Variants in SMG5 observed in about 807,000 individuals in gnomAD.
The protein encoded by SMG5 is nonsense-mediated mRNA decay factor SMG5.
Under a neutral mutation model 122.9 loss-of-function variants are expected in SMG5, and 53 were observed. That is an observed-to-expected ratio of 0.43 (90% CI 0.35 to 0.54). The LOEUF is 0.54. SMG5 is among the 20% of genes least tolerant of loss of function. The pLI, the probability that SMG5 is intolerant of heterozygous loss-of-function variation, is 0.01. For missense variants in SMG5, 1,153 were observed against 1,285.6 expected (o/e 0.90, Z 1.58); for synonymous variants, 477 against 490.2 (o/e 0.97, Z 0.35).
At chr1:156,261,267 G>C in intron 14 of SMG5, 66 bp downstream of exon 14, 1 of 1,479,132 alleles carries the variant, frequency 6.8e-7, no homozygotes, top group Non-Finnish European at 9.5e-7. Flanking sequence ...TATGGGGAGG[G>C]GAGATGGGCT....
At position 156,250,839 on chromosome 1, in the gene SMG5, C is replaced by A; in HGVS notation, c.2967+19G>T. ...TCGTCCCTATTCCACACCATCCCCC[C>A]ACCTCACCCATGACCCACCTGCATG... On this transcript the variant is annotated intron_variant, in intron 21 of 21. Transcript: ENST00000361813. The A allele has an allele frequency of 2.5e-6, 4 of 1,613,036 alleles. No homozygotes were observed. The highest frequency in any genetic ancestry group is 3.4e-6 in the Non-Finnish European group (4 of 1,179,290).
chr1:156,251,384 G>A lies in SMG5; in HGVS notation c.2828+19C>T, dbSNP rs928141265. ...AGGCAGGTGGCCTGAGGTTCTAGGGGTGAGGGCTAAAATGTTACCAGGCAT... is the reference window on the plus strand; with the variant it reads ...AGGCAGGTGGCCTGAGGTTCTAGGGATGAGGGCTAAAATGTTACCAGGCAT... On this transcript the variant is annotated intron_variant, in intron 20 of 21. Coordinates refer to ENST00000361813, the MANE Select transcript of SMG5 (RefSeq NM_015327.3). 2 of 1,613,838 alleles carry A rather than the reference G, an allele frequency of 1.2e-6. No homozygotes were observed. The highest frequency in any genetic ancestry group is 1.3e-5 in the African/African-American group (1 of 74,938).
rs780337753 is a variant in SMG5, at chr1:156,268,382, A to G, written c.747T>C (p.Tyr249=). 4 of 1,614,156 alleles carry G rather than the reference A, an allele frequency of 2.5e-6. No individual in the cohort carries two copies. The Admixed American group carries it at 5.0e-5, about 20-fold the overall frequency. The part of the protein sequence containing the change: ...IQSEVSFEGA[Y]GNLKRLYDKA... ...TGTCATACAGCCGCTTGAGGTTCCC[A>G]TAGGCTCCCTCAAAGGACACTTCTG... The change falls in exon 8 of 22, where the codon TAT becomes TAC. Residue 249 remains tyrosine (Y), a synonymous_variant. Transcript: ENST00000361813.
At chr1:156,276,614 C>A (rs1662696758) in intron 4 of SMG5, among the ~76,000 whole-genome samples, 2 of 152,158 alleles carry the variant, frequency 1.3e-5, no homozygotes, top group African/African-American at 4.8e-5. Context: ...AGAAAACTTA[C>A]CAACTAGAAA....
chr1:156,273,911 A>C (rs1662563485), intron 5 of SMG5, among the ~76,000 whole-genome samples: 1 of 151,612 alleles, frequency 6.6e-6, no homozygotes, highest in South Asian at 2.1e-4. Flanking sequence ...AGCACACATA[A>C]ATGCTTGCAA....
intron 4 of SMG5, 61 bp from the exon 5 acceptor site, chr1:156,274,747 G>T: frequency 7.4e-7 from 1 of 1,347,908 alleles, no homozygotes; most frequent in Non-Finnish European, 1.1e-6. Flanking sequence ...CACCTATGAA[G>T]AAATACCCCT....
intron 13 of SMG5, among the ~76,000 whole-genome samples, chr1:156,262,157 C>T (rs562788088): frequency 6.6e-6 from 1 of 152,214 alleles, no homozygotes; most frequent in South Asian, 2.1e-4. Context: ...GTCAAGAGTT[C>T]CAGACCAGCC....
chr1:156,251,113 G>GGGCCCTGGAAGCT, intron 20 of SMG5, 117 bp from the exon 21 acceptor site: 2 of 1,391,504 alleles, frequency 1.4e-6, no homozygotes, highest in Admixed American at 2.0e-5. Flanking sequence ...GAGCAGCAGT[G>GGGCCCTGGAAGCT]GGCCCTGGAA....
chr1:156,261,542 A>C (rs528779154), intron 13 of SMG5, 134 bp from the exon 14 acceptor site: 8 of 713,532 alleles, frequency 1.1e-5, no homozygotes, highest in Middle Eastern at 2.6e-4. Flanking sequence ...TAAAATTAAC[A>C]AAAGAAGCCT....
At chr1:156,257,418 G>A (rs1410946355) in intron 16 of SMG5, among the ~76,000 whole-genome samples, 1 of 152,048 alleles carries the variant, frequency 6.6e-6, no homozygotes, top group African/African-American at 2.4e-5. Context: ...AGCAGAGGAG[G>A]CAGCCCCAGC....
upstream of SMG5, among the ~76,000 whole-genome samples, chr1:156,287,213 G>A (rs571888555): frequency 3.9e-5 from 6 of 152,170 alleles, no homozygotes; most frequent in Non-Finnish European, 5.9e-5. Context: ...TCAGGAGCTC[G>A]AGACCAGCTT....
At position 156,272,370 on chromosome 1, in the gene SMG5, C is replaced by A; in HGVS notation, c.663G>T (p.Leu221=). ...IGMPFNQLGT[L]AGSKYYNVEA... Reference sequence around the variant, plus strand: ...CCACATTATAGTACTTGCTGCCTGCCAGGGTGCCCAGCTGATTGAAGGGCA... The same window carrying A: ...CCACATTATAGTACTTGCTGCCTGCAAGGGTGCCCAGCTGATTGAAGGGCA... The change falls in exon 7 of 22, where the codon CTG becomes CTT. Residue 221 remains leucine, a synonymous_variant. Transcript: ENST00000361813. 6.2e-7 allele frequency: 1 copy of A among 1,602,180 alleles called. No individual in the cohort carries two copies. Among genetic ancestry groups the A allele is most frequent in the Non-Finnish European group, 8.5e-7 (1 of 1,173,076 alleles).
intron 7 of SMG5, 133 bp from the exon 8 acceptor site, chr1:156,268,548 T>A: frequency 8.7e-7 from 1 of 1,148,638 alleles, no homozygotes; most frequent in Non-Finnish European, 1.2e-6. Context: ...ATACGCAGGG[T>A]AAAAGGCTCA....
In SMG5 at chr1:156,266,029, G is replaced by A. The variant is rs753307944; in HGVS notation, c.1607C>T (p.Ser536Leu). 3.7e-6 allele frequency: 6 copies of A among 1,614,102 alleles called. No individual in the cohort carries two copies. The highest frequency in any genetic ancestry group is 5.1e-6 in the Non-Finnish European group (6 of 1,180,040). ...GCCCCGAGGGGGCTCCAGGGTTGGTGACCGTGTCCCCTCCTCTTCCTCCAT... is the reference window on the plus strand; with the variant it reads ...GCCCCGAGGGGGCTCCAGGGTTGGTAACCGTGTCCCCTCCTCTTCCTCCAT... ...EDMEEEEGTR[S>L]PTLEPPRGRS... The change falls in exon 12 of 22, where the codon TCA (serine) becomes TTA (leucine). Residue 536 changes from serine to leucine, a missense_variant. Ser to Leu is a moderately radical substitution (Grantham distance 145, BLOSUM62 -2). This residue lies in a region of SMG5 where 631 missense variants were observed against 650.6 expected (regional missense o/e 0.97). Coordinates refer to ENST00000361813, the MANE Select transcript of SMG5 (RefSeq NM_015327.3).
chr1:156,285,390 C>T, upstream of SMG5: 1 of 1,588,970 alleles, frequency 6.3e-7, no homozygotes, highest in Non-Finnish European at 8.6e-7. Flanking sequence ...TCAGCTGGAT[C>T]TCCCACAGCC....
chr1:156,277,206 G>A lies in SMG5; in HGVS notation c.333C>T (p.Tyr111=). 6.2e-7 allele frequency: 1 copy of A among 1,613,802 alleles called. No individual in the cohort carries two copies. Residue 111 remains tyrosine (Y), a synonymous_variant, in exon 4 of 22, where the codon TAC becomes TAT. Transcript: ENST00000361813. ...IHSRSTLECA[Y]RTHLVAGIGF... ...CAATACCAGCAACCAGGTGCGTCCTGTAGGCACATTCCAAAGTGCTCCGGC... is the reference window on the plus strand; with the variant it reads ...CAATACCAGCAACCAGGTGCGTCCTATAGGCACATTCCAAAGTGCTCCGGC...
At chr1:156,269,308 T>A (rs1367224625) in intron 7 of SMG5, among the ~76,000 whole-genome samples, 4 of 151,972 alleles carry the variant, frequency 2.6e-5, no homozygotes, top group African/African-American at 9.7e-5. Flanking sequence ...AGAGATGGGG[T>A]CTCACTATGT....
upstream of SMG5, chr1:156,286,614 C>A: frequency 1.2e-6 from 1 of 803,960 alleles, no homozygotes; most frequent in African/African-American, 1.7e-5. Context: ...ATAAGTCCAC[C>A]TTCTCTCTTG....
At chr1:156,289,889 C>T in the SMG5 span, among the ~76,000 whole-genome samples, 91 of 152,312 alleles carry the variant, frequency 6.0e-4, no homozygotes, top group Non-Finnish European at 7.1e-4. Flanking sequence ...GGGCTTCAAG[C>T]CCTCCTAGAG....
Sources: gnomAD v4.1 joint callset for allele counts (sites outside exome capture counted in the v4.1 genomes callset) on GRCh38, gnomAD v4.1.1 for gene constraint, gnomAD v4.1.1 regional missense constraint, MANE v1.5 for transcripts, NCBI Gene and HGNC (gene_info 2026-07-23, HGNC 2026-07-21) for gene names.